Variants in SPAG16 observed in about 807,000 individuals in gnomAD.
SPAG16 encodes sperm associated antigen 16.
SPAG16 carries 86 observed loss-of-function variants against 80.4 expected under a neutral mutation model. The ratio of observed to expected loss-of-function variants is 1.07; its 90% CI spans 0.90 to 1.28. The LOEUF (loss-of-function observed/expected upper bound fraction) is 1.28, where lower values mean the gene tolerates loss of function less well. Among genes scored for constraint, SPAG16 ranks in the 50% most tolerant of loss-of-function variants. The pLI, the probability that SPAG16 is intolerant of heterozygous loss-of-function variation, is 0.00. For synonymous variants in SPAG16, 294 were observed against 265.9 expected (o/e 1.11, Z -1.03); for missense variants, 870 against 765.3 (o/e 1.14, Z -1.61).
At chr2:214,332,775 C>T (rs1697012652) in intron 15 of SPAG16, among the ~76,000 whole-genome samples, 1 of 152,120 alleles carries the variant, frequency 6.6e-6, no homozygotes, top group Admixed American at 6.5e-5. Context: ...ATCACCCCCT[C>T]CTCACATTTG....
chr2:213,671,515 G>A (rs1297950880), intron 10 of SPAG16, among the ~76,000 whole-genome samples: 1 of 152,116 alleles, frequency 6.6e-6, no homozygotes, highest in Non-Finnish European at 1.5e-5. Flanking sequence ...CTCTCTCCTT[G>A]AATCTTGGTC....
intron 15 of SPAG16, among the ~76,000 whole-genome samples, chr2:214,197,357 A>C (rs1180820454): frequency 6.6e-6 from 1 of 152,008 alleles, no homozygotes; most frequent in African/African-American, 2.4e-5. Context: ...AAAGGCTGTT[A>C]GCTTTATTTG....
chr2:213,509,149 A>G (rs2075116590), intron 10 of SPAG16, among the ~76,000 whole-genome samples: 1 of 152,084 alleles, frequency 6.6e-6, no homozygotes, highest in Non-Finnish European at 1.5e-5. Context: ...GGCACCTGCC[A>G]CCACACCCAG....
At chr2:214,032,587 A>G (rs1007604482) in intron 13 of SPAG16, among the ~76,000 whole-genome samples, 8 of 152,222 alleles carry the variant, frequency 5.3e-5, no homozygotes, top group Non-Finnish European at 1.2e-4. Flanking sequence ...GAATAAAGTT[A>G]GGAAGAACTT....
chr2:213,612,962 C>T (rs143540740), intron 10 of SPAG16, among the ~76,000 whole-genome samples: 9,071 of 152,210 alleles, frequency 0.06, 893 homozygotes, highest in African/African-American at 0.2. Flanking sequence ...CGTGAACCAC[C>T]GTGCCCGGCC....
intron 10 of SPAG16, among the ~76,000 whole-genome samples, chr2:213,573,227 G>C (rs149982854): frequency 6.6e-6 from 1 of 151,836 alleles, no homozygotes. Context: ...GCTGTAGACC[G>C]GAGCTGTTCC....
At chr2:213,564,153 A>G (rs1379057720) in intron 10 of SPAG16, among the ~76,000 whole-genome samples, 1 of 152,084 alleles carries the variant, frequency 6.6e-6, no homozygotes, top group Non-Finnish European at 1.5e-5. Context: ...TCTTGCTGAT[A>G]TTTCAATGAT....
At chr2:213,823,755 G>A (rs1180126435) in intron 10 of SPAG16, among the ~76,000 whole-genome samples, 1 of 152,144 alleles carries the variant, frequency 6.6e-6, no homozygotes, top group Non-Finnish European at 1.5e-5. Context: ...TTTTGATGGA[G>A]TTGTTTGGTT....
chr2:213,321,478 T>C (rs1310542502), intron 5 of SPAG16, among the ~76,000 whole-genome samples: 1 of 152,086 alleles, frequency 6.6e-6, no homozygotes, highest in African/African-American at 2.4e-5. Context: ...AATCACAGAG[T>C]GCTTTGAAAT....
intron 10 of SPAG16, among the ~76,000 whole-genome samples, chr2:213,809,639 G>T (rs1255685789): frequency 6.6e-6 from 1 of 152,160 alleles, no homozygotes; most frequent in East Asian, 1.9e-4. Context: ...AATGGGAGAG[G>T]TTGTGTGGGA....
intron 15 of SPAG16, among the ~76,000 whole-genome samples, chr2:214,254,910 GTAAAA>G (rs1248845352): frequency 1.3e-5 from 2 of 151,744 alleles, no homozygotes; most frequent in South Asian, 2.1e-4. Context: ...AAGACCAAAA[GTAAAA>G]TAAAATAAAA....
At chr2:213,544,684 C>T (rs989980577) in intron 10 of SPAG16, among the ~76,000 whole-genome samples, 1 of 151,728 alleles carries the variant, frequency 6.6e-6, no homozygotes. Flanking sequence ...TCATATCGCT[C>T]CCCCCTCGTA....
intron 15 of SPAG16, among the ~76,000 whole-genome samples, chr2:214,268,795 G>A (rs1204576708): frequency 6.6e-6 from 1 of 151,740 alleles, no homozygotes; most frequent in Non-Finnish European, 1.5e-5. Context: ...GTGTATTTAT[G>A]TGTCATTAGA....
chr2:214,108,231 T>C lies in SPAG16; in HGVS notation c.1563T>C (p.His521=). ...ICEQSLYGHM[H]SINDAIFDPR... ...AGCAGTCACTTTATGGTCACATGCA[T>C]TCTATCAATGATGCCATTTTTGATC... The change falls in exon 14 of 16, where the codon CAT becomes CAC. Residue 521 remains histidine, a synonymous_variant. Transcript: ENST00000331683. The C allele has an allele frequency of 6.2e-7, 1 of 1,602,554 alleles. No homozygotes were observed. Among genetic ancestry groups the C allele is most frequent in the Non-Finnish European group, 8.5e-7 (1 of 1,171,404 alleles).
Position 213,417,223 on chromosome 2 carries a change from A to G in SPAG16, c.942+42104A>G, listed in dbSNP as rs189263564. On this transcript the variant is annotated intron_variant, in intron 9 of 15. Coordinates refer to ENST00000331683, the MANE Select transcript of SPAG16 (RefSeq NM_024532.5). ...AAGTACAGACACACACACACACACA[A>G]TACAAGGAACAATATTTTGGGTATA... Among the ~76,000 whole-genome samples, 256 of 152,236 alleles carry G rather than the reference A, an allele frequency of 1.7e-3. 1 individual carries two copies. Among genetic ancestry groups the G allele is most frequent in the African/African-American group, 5.8e-3 (240 of 41,540 alleles).
At chr2:214,143,239 T>TTG in intron 14 of SPAG16, among the ~76,000 whole-genome samples, 1 of 118,888 alleles carries the variant, frequency 8.4e-6, no homozygotes, top group South Asian at 3.5e-4. Context: ...TTTGGGTTTT[T>TTG]TTTTTTTTTT....
intron 10 of SPAG16, among the ~76,000 whole-genome samples, chr2:213,760,406 A>G (rs2068591839): frequency 6.6e-6 from 1 of 152,216 alleles, no homozygotes; most frequent in Non-Finnish European, 1.5e-5. Flanking sequence ...ACCTAGTAAC[A>G]GATCACTAAA....
intron 11 of SPAG16, among the ~76,000 whole-genome samples, chr2:213,913,300 C>T (rs919607047): frequency 2.6e-5 from 4 of 151,928 alleles, no homozygotes; most frequent in Non-Finnish European, 4.4e-5. Flanking sequence ...CATGTTATTT[C>T]GATGATTTTC....
At chr2:213,553,399 C>T (rs968345308) in intron 10 of SPAG16, among the ~76,000 whole-genome samples, 1 of 152,110 alleles carries the variant, frequency 6.6e-6, no homozygotes, top group African/African-American at 2.4e-5. Context: ...ATGGTATAGG[C>T]TATCAGCATG....
Sources: gnomAD v4.1 joint callset for allele counts (sites outside exome capture counted in the v4.1 genomes callset) on GRCh38, gnomAD v4.1.1 for gene constraint, MANE v1.5 for transcripts, NCBI Gene and HGNC (gene_info 2026-07-23, HGNC 2026-07-21) for gene names.